The following CHN2 variants were observed in gnomAD, a reference collection of about 807,000 sequenced individuals.
CHN2 encodes chimerin 2.
In CHN2, 35 loss-of-function variants were observed where a neutral mutation model predicts 56.3. The ratio of observed to expected loss-of-function variants is 0.62; its 90% CI spans 0.47 to 0.82. CHN2 has a LOEUF of 0.82. CHN2 is among the 40% of genes least tolerant of loss of function. The probability of loss-of-function intolerance (pLI) is 0.00; values close to 1 mark genes in which losing one functional copy is unlikely to be tolerated. For missense variants in CHN2, 491 were observed against 580.5 expected (o/e 0.85, Z 1.58); for synonymous variants, 210 against 212.8 (o/e 0.99, Z 0.12).
intron 2 of CHN2, among the ~76,000 whole-genome samples, chr7:29,154,501 T>A (rs1794064402): frequency 6.6e-6 from 1 of 152,190 alleles, no homozygotes; most frequent in South Asian, 2.1e-4. Context: ...ATACTCTAGA[T>A]GTCATGAAAC....
chr7:29,472,281 A>ACACACACACACACACACACACACACG (rs1554298692), intron 6 of CHN2, among the ~76,000 whole-genome samples: 2 of 143,498 alleles, frequency 1.4e-5, no homozygotes, highest in Admixed American at 7.0e-5. Flanking sequence ...ATACACACAC[A>ACACACACACACACACACACACACACG]CACACACACA....
chr7:29,485,929 CCTT>C (rs1244658537), intron 7 of CHN2, among the ~76,000 whole-genome samples: 1 of 152,162 alleles, frequency 6.6e-6, no homozygotes, highest in Admixed American at 6.5e-5. Context: ...GGATACCCTT[CCTT>C]CTTCCCGATA....
intron 6 of CHN2, among the ~76,000 whole-genome samples, chr7:29,448,201 C>T (rs899610882): frequency 6.6e-6 from 1 of 151,998 alleles, no homozygotes; most frequent in South Asian, 2.1e-4. Flanking sequence ...GTACGCAATA[C>T]CTTATTTTAT....
intron 1 of CHN2, among the ~76,000 whole-genome samples, chr7:29,238,035 T>TTTA (rs1022985962): frequency 2.7e-5 from 4 of 150,096 alleles, no homozygotes; most frequent in Admixed American, 6.6e-5. Context: ...TTTTTTTTTT[T>TTTA]TAGAAGGAGT....
Position 29,414,999 on chromosome 7 carries a change from G to A in CHN2, c.576+14171G>A, listed in dbSNP as rs1803584741. ...CTGTAGCTTAGATACAGTTCTCATTGCACTGAGCACACCCCACCGGCGTGT... is the reference window on the plus strand; with the variant it reads ...CTGTAGCTTAGATACAGTTCTCATTACACTGAGCACACCCCACCGGCGTGT... On this transcript the variant is annotated intron_variant, in intron 6 of 12. Coordinates refer to ENST00000222792, the MANE Select transcript of CHN2 (RefSeq NM_004067.4). 3.3e-5 allele frequency among the ~76,000 whole-genome samples: 5 copies of A among 152,112 alleles called. 1 individual carries two copies. The South Asian group carries it at 1.0e-3, about 32-fold the overall frequency.
intron 1 of CHN2, among the ~76,000 whole-genome samples, chr7:29,273,377 A>ATATATATATATATATGTG: frequency 1.9e-5 from 1 of 52,406 alleles, no homozygotes; most frequent in African/African-American, 8.4e-5. Flanking sequence ...ATATATATAT[A>ATATATATATATATATGTG]TATATATATA....
chr7:29,282,235 T>C (rs1791776282), intron 1 of CHN2, among the ~76,000 whole-genome samples: 1 of 152,224 alleles, frequency 6.6e-6, no homozygotes, highest in Admixed American at 6.5e-5. Context: ...TGTCTCTTAT[T>C]GAGATAGCTC....
At chr7:29,499,797 G>T in intron 8 of CHN2, 70 bp from the exon 9 acceptor site, 1 of 1,389,044 alleles carries the variant, frequency 7.2e-7, no homozygotes, top group Non-Finnish European at 9.6e-7. Context: ...TTTATTTTTG[G>T]CAACATATAA....
intron 6 of CHN2, among the ~76,000 whole-genome samples, chr7:29,430,644 A>C (rs1223326479): frequency 6.6e-6 from 1 of 152,200 alleles, no homozygotes; most frequent in Non-Finnish European, 1.5e-5. Context: ...TTTACGCATC[A>C]GAGTAGGTTA....
chr7:29,235,139 G>A (rs1168131646), intron 1 of CHN2, among the ~76,000 whole-genome samples: 3 of 151,966 alleles, frequency 2.0e-5, no homozygotes, highest in East Asian at 1.9e-4. Context: ...CCATGCATCC[G>A]ACAAAGGTCT....
At chr7:29,277,746 C>T (rs1200011393) in intron 1 of CHN2, among the ~76,000 whole-genome samples, 1 of 152,210 alleles carries the variant, frequency 6.6e-6, no homozygotes, top group African/African-American at 2.4e-5. Context: ...ACCACATGTG[C>T]CAGGCCTGAG....
intron 1 of CHN2, among the ~76,000 whole-genome samples, chr7:29,256,063 CA>C (rs1789051835): frequency 6.6e-6 from 1 of 152,190 alleles, no homozygotes; most frequent in South Asian, 2.1e-4. Context: ...ACTTGTAACA[CA>C]TGCCTTTTTT....
intron 6 of CHN2, among the ~76,000 whole-genome samples, chr7:29,416,940 T>G (rs1224163015): frequency 6.6e-6 from 1 of 152,220 alleles, no homozygotes; most frequent in Non-Finnish European, 1.5e-5. Flanking sequence ...GCATCTCCCC[T>G]GCAGAGGAGG....
intron 1 of CHN2, among the ~76,000 whole-genome samples, chr7:29,345,652 C>T (rs549873105): frequency 7.9e-5 from 12 of 152,210 alleles, no homozygotes; most frequent in Non-Finnish European, 7.4e-5. Context: ...TGCAGAGTTT[C>T]GTAAGGCCTC....
chr7:29,402,078 C>T (rs1383123885), intron 6 of CHN2, among the ~76,000 whole-genome samples: 1 of 152,202 alleles, frequency 6.6e-6, no homozygotes, highest in Non-Finnish European at 1.5e-5. Flanking sequence ...CGGAACGGGC[C>T]TCCCGTCGTC....
chr7:29,439,624 T>C (rs1783485719), intron 6 of CHN2, among the ~76,000 whole-genome samples: 1 of 152,216 alleles, frequency 6.6e-6, no homozygotes, highest in Non-Finnish European at 1.5e-5. Flanking sequence ...TCCTCAGTGA[T>C]ATGCTTGCTG....
chr7:29,249,675 A>G (rs1788338499), intron 1 of CHN2, among the ~76,000 whole-genome samples: 1 of 152,184 alleles, frequency 6.6e-6, no homozygotes, highest in South Asian at 2.1e-4. Flanking sequence ...GAGTGTAGAG[A>G]ATGTATTCAT....
intron 2 of CHN2, among the ~76,000 whole-genome samples, chr7:29,156,841 T>A (rs891776403): frequency 2.0e-5 from 3 of 152,146 alleles, no homozygotes; most frequent in African/African-American, 7.2e-5. Flanking sequence ...ATTATGCACC[T>A]GGAGATCTAT....
intron 12 of CHN2, 118 bp from the exon 13 acceptor site, chr7:29,512,446 A>G (rs1034474613): frequency 6.8e-6 from 6 of 883,852 alleles, no homozygotes; most frequent in East Asian, 5.5e-5. Context: ...CTGATTCCCA[A>G]TCTTTTTCTT....
Sources: gnomAD v4.1 joint callset for allele counts (sites outside exome capture counted in the v4.1 genomes callset) on GRCh38, gnomAD v4.1.1 for gene constraint, MANE v1.5 for transcripts, NCBI Gene and HGNC (gene_info 2026-07-23, HGNC 2026-07-21) for gene names.